Variants in PCDH11X observed in about 807,000 individuals in gnomAD.
PCDH11X encodes the protein protocadherin-11 X-linked.
Under a neutral mutation model 53.3 loss-of-function variants are expected in PCDH11X, and 18 were observed. That is an observed-to-expected ratio of 0.34 (90% confidence interval 0.23 to 0.50). The LOEUF (loss-of-function observed/expected upper bound fraction) is 0.50, where lower values mean the gene tolerates loss of function less well. Among genes scored for constraint, PCDH11X ranks in the 20% least tolerant of loss-of-function variants. The probability of loss-of-function intolerance (pLI) is 0.98; values close to 1 mark genes in which losing one functional copy is unlikely to be tolerated. For missense variants in PCDH11X, 570 were observed against 1,032.4 expected (o/e 0.55, Z 6.14); for synonymous variants, 279 against 393.3 (o/e 0.71, Z 3.44).
chrX:92,494,542 T>C (rs1289490442), intron 10 of PCDH11X, among the ~76,000 whole-genome samples: 14 of 111,854 alleles, frequency 1.3e-4, no homozygotes, highest in Non-Finnish European at 2.6e-4. Flanking sequence ...GGCTGATATT[T>C]GATTTTCTTT....
rs181096152 is a variant in PCDH11X at position 92,410,871 on chromosome X, C to T, written c.3343+22938C>T. On this transcript the variant is annotated intron_variant, in intron 9 of 10. Coordinates refer to ENST00000682573, the MANE Select transcript of PCDH11X (RefSeq NM_032968.5). ...CCAACTGATGTTCGATGCCATCAAA[C>T]GATATTGGTCTTCTATTAAAGAAAA... is the stretch of plus-strand genomic sequence containing the variant. Among the ~76,000 whole-genome samples the T allele has an allele frequency of 5.2e-4, 53 of 101,274 alleles. 1 individual carries two copies. Among genetic ancestry groups the T allele is most frequent in the Admixed American group, 2.5e-3 (24 of 9,773 alleles). 87.9% of individuals were successfully genotyped at this position (101,274 alleles called of 115,157 possible).
intron 10 of PCDH11X, among the ~76,000 whole-genome samples, chrX:92,484,511 C>CAT (rs755441692): frequency 1.4e-4 from 15 of 106,160 alleles, no homozygotes; most frequent in Middle Eastern, 4.8e-3. Context: ...AAGGTGGTAT[C>CAT]ATATATATAT....
At chrX:92,013,136 C>T (rs937008939) in intron 6 of PCDH11X, among the ~76,000 whole-genome samples, 1 of 111,349 alleles carries the variant, frequency 9.0e-6, no homozygotes, top group Non-Finnish European at 1.9e-5. Context: ...AATACCCCAT[C>T]GTCTCAGCCC....
At chrX:92,507,387 C>T (rs1315921876) in intron 10 of PCDH11X, among the ~76,000 whole-genome samples, 1 of 111,064 alleles carries the variant, frequency 9.0e-6, no homozygotes, top group Non-Finnish European at 1.9e-5. Flanking sequence ...TTTAACATTG[C>T]TTTAATAGCT....
chrX:92,512,702 A>G (rs774736824), intron 10 of PCDH11X, among the ~76,000 whole-genome samples: 125 of 112,298 alleles, frequency 1.1e-3, no homozygotes, highest in African/African-American at 4.0e-3. Flanking sequence ...TAATTTTTTA[A>G]GTGAATTTAT....
intron 7 of PCDH11X, among the ~76,000 whole-genome samples, chrX:92,261,564 A>T (rs116600376): frequency 9.0e-6 from 1 of 111,124 alleles, no homozygotes; most frequent in Non-Finnish European, 1.9e-5. Flanking sequence ...ATGCTTTTGG[A>T]TTGCTTTGTG....
intron 6 of PCDH11X, among the ~76,000 whole-genome samples, chrX:92,100,206 A>T (rs1197597580): frequency 9.0e-6 from 1 of 111,512 alleles, no homozygotes; most frequent in Non-Finnish European, 1.9e-5. Flanking sequence ...CTTTCTTCCA[A>T]GCTTGTCACT....
intron 10 of PCDH11X, among the ~76,000 whole-genome samples, chrX:92,493,353 A>G (rs2148686914): frequency 9.0e-6 from 1 of 111,380 alleles, no homozygotes; most frequent in Non-Finnish European, 1.9e-5. Flanking sequence ...CATAAAATTT[A>G]AGAAGGTAGA....
chrX:92,548,582 G>A (rs189068555), intron 10 of PCDH11X, among the ~76,000 whole-genome samples: 1 of 110,154 alleles, frequency 9.1e-6, no homozygotes, highest in East Asian at 2.9e-4. Flanking sequence ...AGTTAATTTC[G>A]GTTAACACTA....
intron 6 of PCDH11X, among the ~76,000 whole-genome samples, chrX:91,947,085 C>A (rs1219614789): frequency 1.9e-5 from 2 of 103,729 alleles, no homozygotes; most frequent in Non-Finnish European, 4.0e-5. Context: ...CTGCAAAGAG[C>A]ATGCTACCTA....
chrX:92,029,791 T>C (rs905867437), intron 6 of PCDH11X, among the ~76,000 whole-genome samples: 1 of 111,690 alleles, frequency 9.0e-6, no homozygotes, highest in African/African-American at 3.3e-5. Context: ...TTAATGAACA[T>C]TGCATTTGAA....
In PCDH11X at chrX:91,852,767, T is replaced by C. The variant is rs1339369547; in HGVS notation, c.540+16723T>C. Among the ~76,000 whole-genome samples, 7 of 110,630 alleles carry C rather than the reference T, an allele frequency of 6.3e-5. No homozygotes were observed. In the East Asian group the frequency reaches 1.7e-3, roughly 27 times the overall value. ...ATCTTAGTGGCACTCTCTTGCCCAA[T>C]TGTGACAAGCAAAAATGTCTCCAGA... On this transcript the variant is annotated intron_variant, in intron 5 of 10. Coordinates refer to ENST00000682573, the MANE Select transcript of PCDH11X (RefSeq NM_032968.5).
At chrX:92,592,514 C>G (rs1925136877) in intron 10 of PCDH11X, among the ~76,000 whole-genome samples, 1 of 109,045 alleles carries the variant, frequency 9.2e-6, no homozygotes, top group South Asian at 4.0e-4. Flanking sequence ...GTCAGATCAC[C>G]AGGTCAGGAG....
chrX:92,219,257 G>A (rs1416754595), intron 7 of PCDH11X, among the ~76,000 whole-genome samples: 1 of 110,624 alleles, frequency 9.0e-6, no homozygotes, highest in African/African-American at 3.3e-5. Context: ...AAGTCAAATT[G>A]TCCCTGTTTG....
At position 92,396,037 on chromosome X, in the gene PCDH11X, C is replaced by CT. The variant is rs753221970; in HGVS notation, c.3343+8105dup. ...CCGATTTCTAAAATTACTGTTTGTG[C>CT]TAACCAGTGAAAGTACTGCAGAAAA... is the stretch of plus-strand genomic sequence containing the variant. On this transcript the variant is annotated intron_variant, in intron 9 of 10. Transcript: ENST00000682573. Among the ~76,000 whole-genome samples, 705 of 105,863 alleles carry CT rather than the reference C, an allele frequency of 6.7e-3. 16 individuals carry two copies. Among genetic ancestry groups the CT allele is most frequent in the African/African-American group, 0.024 (684 of 28,883 alleles). 91.9% of individuals were successfully genotyped at this position (105,863 alleles called of 115,157 possible).
intron 1 of PCDH11X, among the ~76,000 whole-genome samples, chrX:91,808,444 G>A (rs1936191574): frequency 9.2e-6 from 1 of 108,431 alleles, no homozygotes; most frequent in Non-Finnish European, 1.9e-5. Context: ...GCAGTGAGCC[G>A]AGATCATGCC....
intron 7 of PCDH11X, among the ~76,000 whole-genome samples, chrX:92,221,466 A>G (rs1417323462): frequency 9.0e-6 from 1 of 110,690 alleles, no homozygotes; most frequent in East Asian, 2.9e-4. Context: ...CAGAGACATT[A>G]TATGTCTGTG....
chrX:92,604,324 G>T (rs1254699528), intron 10 of PCDH11X, among the ~76,000 whole-genome samples: 3 of 109,197 alleles, frequency 2.7e-5, no homozygotes, highest in Admixed American at 9.9e-5. Flanking sequence ...GTAAATATAG[G>T]TATATAGGAG....
At chrX:92,528,450 A>G (rs1263843717) in intron 10 of PCDH11X, among the ~76,000 whole-genome samples, 4 of 110,383 alleles carry the variant, frequency 3.6e-5, no homozygotes, top group Non-Finnish European at 7.6e-5. Context: ...GCACCACCAC[A>G]CCCGGCTAAT....
Sources: gnomAD v4.1 joint callset for allele counts (sites outside exome capture counted in the v4.1 genomes callset) on GRCh38, gnomAD v4.1.1 for gene constraint, MANE v1.5 for transcripts, NCBI Gene and HGNC (gene_info 2026-07-23, HGNC 2026-07-21) for gene names.